The following PRKN variants were observed in gnomAD, a reference collection of about 807,000 sequenced individuals.
PRKN encodes E3 ubiquitin-protein ligase parkin.
Under a neutral mutation model 59.5 loss-of-function variants are expected in PRKN, and 56 were observed. The ratio of observed to expected loss-of-function variants is 0.94; its 90% CI spans 0.76 to 1.18. The LOEUF (loss-of-function observed/expected upper bound fraction) is 1.18, where lower values mean the gene tolerates loss of function less well. Among genes scored for constraint, PRKN ranks in the 50% most tolerant of loss-of-function variants. PRKN has a pLI of 0.00. For synonymous variants in PRKN, 250 were observed against 222.1 expected, an observed-to-expected ratio of 1.13 and a Z score of -1.12; for missense variants, 657 against 596.4, an observed-to-expected ratio of 1.10 and a Z score of -1.06.
rs766949960 is a variant in PRKN at position 161,352,755 on chromosome 6, G to GTGTGTGTGTGTATATA, written c.1286-2545_1286-2544insTATATACACACACACA. On this transcript the variant is annotated intron_variant, in intron 11 of 11. Transcript: ENST00000366898. The surrounding 1 kb of genome is among the most constrained non-coding windows in gnomAD (Gnocchi z 5.8). ...TGTGTGTGTGTGTGTGTGTGTGTGT[G>GTGTGTGTGTGTATATA]TATATATATATATATATTTTATTTT... 1.5e-5 allele frequency among the ~76,000 whole-genome samples: 2 copies of GTGTGTGTGTGTATATA among 134,378 alleles called. No individual in the cohort carries two copies. Among genetic ancestry groups the GTGTGTGTGTGTATATA allele is most frequent in the Non-Finnish European group, 1.6e-5 (1 of 62,900 alleles). The allele number at this position is 134,378 out of a possible 152,430, so 88.2% of individuals were successfully genotyped here.
rs572291347 is a variant in PRKN, at chr6:162,051,992, C to T, written c.618+2099G>A. Among the ~76,000 whole-genome samples, 9 of 152,274 alleles carry T rather than the reference C, an allele frequency of 5.9e-5. No individual in the cohort carries two copies. The South Asian group carries it at 1.9e-3, about 32-fold the overall frequency. Reference sequence around the variant, plus strand: ...TGGTATCCAAAGTGGGCAGAAGTTGCCCTAGAACAAATCCCCCAAAGATAC... The same window carrying T: ...TGGTATCCAAAGTGGGCAGAAGTTGTCCTAGAACAAATCCCCCAAAGATAC... On this transcript the variant is annotated intron_variant, in intron 5 of 11. Transcript: ENST00000366898.
At chr6:162,350,880 AC>A (rs764303070) in intron 2 of PRKN, among the ~76,000 whole-genome samples, 17 of 152,138 alleles carry the variant, frequency 1.1e-4, no homozygotes, top group Non-Finnish European at 2.4e-4. Flanking sequence ...TATAGAAAAG[AC>A]AAGTCACGAA....
At chr6:162,192,442 ATTTTTT>A (rs10534285) in intron 4 of PRKN, among the ~76,000 whole-genome samples, 11,208 of 75,434 alleles carry the variant, frequency 0.15, 893 homozygotes, top group Admixed American at 0.41. Flanking sequence ...AATTATAGGG[ATTTTTT>A]TTTTTTTTTT....
Position 161,458,097 on chromosome 6 carries a change from C to T in PRKN, c.1084-71220G>A, listed in dbSNP as rs752786990. On this transcript the variant is annotated intron_variant, in intron 9 of 11. Coordinates refer to ENST00000366898, the MANE Select transcript of PRKN (RefSeq NM_004562.3). The surrounding 1 kb of genome is among the most constrained non-coding windows in gnomAD (Gnocchi z 6.1). Reference sequence around the variant, plus strand: ...TATAAGAAGAAAAAGAGAAATACAGCTCTTTGTACATTCAGATTCCTTTAG... The same window carrying T: ...TATAAGAAGAAAAAGAGAAATACAGTTCTTTGTACATTCAGATTCCTTTAG... Among the ~76,000 whole-genome samples, 55 of 152,140 alleles carry T rather than the reference C, an allele frequency of 3.6e-4. No homozygotes were observed. Among genetic ancestry groups the T allele is most frequent in the Non-Finnish European group, 7.1e-4 (48 of 68,020 alleles).
At chr6:162,120,885 T>G (rs76908639) in intron 4 of PRKN, among the ~76,000 whole-genome samples, 22 of 152,348 alleles carry the variant, frequency 1.4e-4, no homozygotes, top group Non-Finnish European at 2.8e-4. Context: ...GTTTGGCCCA[T>G]GCACAAAGCA....
intron 5 of PRKN, among the ~76,000 whole-genome samples, chr6:162,034,186 T>TATAGAGAGAGAG (rs1349695864): frequency 1.3e-3 from 171 of 133,292 alleles, no homozygotes; most frequent in Middle Eastern, 3.9e-3. Flanking sequence ...TATATATATA[T>TATAGAGAGAGAG]AGAGAGAGAG....
At chr6:162,112,790 A>G (rs1780498180) in intron 4 of PRKN, among the ~76,000 whole-genome samples, 1 of 152,126 alleles carries the variant, frequency 6.6e-6, no homozygotes, top group Non-Finnish European at 1.5e-5. Context: ...ATTAAAAAAA[A>G]AAAAGCTGAG....
At chr6:162,403,591 C>G (rs191754319) in intron 2 of PRKN, among the ~76,000 whole-genome samples, 153 of 152,234 alleles carry the variant, frequency 1.0e-3, no homozygotes, top group Middle Eastern at 6.8e-3. Context: ...GAAGCTGTAA[C>G]CCCCACACCT....
intron 1 of PRKN, among the ~76,000 whole-genome samples, chr6:162,473,551 A>C (rs1477309320): frequency 1.3e-5 from 2 of 152,208 alleles, no homozygotes; most frequent in Non-Finnish European, 2.9e-5. Flanking sequence ...GGCCATGATA[A>C]AAAAGTAAAA....
At chr6:161,438,127 G>T (rs1789011693) in intron 9 of PRKN, among the ~76,000 whole-genome samples, 2 of 151,984 alleles carry the variant, frequency 1.3e-5, no homozygotes, top group East Asian at 3.9e-4. Flanking sequence ...CACTGAGGGA[G>T]CTGGTCTGTC....
At chr6:162,442,638 C>T (rs796515715) in intron 2 of PRKN, among the ~76,000 whole-genome samples, 8 of 152,202 alleles carry the variant, frequency 5.3e-5, no homozygotes, top group African/African-American at 1.7e-4. Flanking sequence ...CTGCTGGGGC[C>T]AGGAGAGAAG....
At chr6:161,422,623 C>T (rs1458200101) in intron 9 of PRKN, among the ~76,000 whole-genome samples, 1 of 151,890 alleles carries the variant, frequency 6.6e-6, no homozygotes, top group Admixed American at 6.6e-5. Flanking sequence ...TTTTTATTCC[C>T]CCTTTCTCTG....
intron 2 of PRKN, among the ~76,000 whole-genome samples, chr6:162,422,894 C>T (rs781276572): frequency 1.4e-5 from 2 of 142,144 alleles, no homozygotes; most frequent in South Asian, 2.2e-4. Flanking sequence ...TGCAGTGAGC[C>T]GAGATCGCGC....
At chr6:162,362,822 C>T (rs1785212846) in intron 2 of PRKN, among the ~76,000 whole-genome samples, 1 of 152,042 alleles carries the variant, frequency 6.6e-6, no homozygotes, top group African/African-American at 2.4e-5. Context: ...ATAAAAAACA[C>T]TATTCTATAA....
intron 2 of PRKN, among the ~76,000 whole-genome samples, chr6:162,424,839 G>C (rs1412187053): frequency 6.6e-6 from 1 of 152,122 alleles, no homozygotes; most frequent in Non-Finnish European, 1.5e-5. Context: ...ATGAGGTTGA[G>C]AATTTTCCAC....
chr6:161,748,541 C>T (rs1000514275), intron 7 of PRKN, among the ~76,000 whole-genome samples: 9 of 152,174 alleles, frequency 5.9e-5, no homozygotes, highest in African/African-American at 2.2e-4. Flanking sequence ...TCGCCTCCGA[C>T]AGCAGAATCA....
intron 5 of PRKN, among the ~76,000 whole-genome samples, chr6:161,982,115 T>C (rs1405509744): frequency 6.6e-6 from 1 of 152,244 alleles, no homozygotes; most frequent in East Asian, 1.9e-4. Flanking sequence ...CCTTGAAGTT[T>C]ATTCCAGGTG....
intron 7 of PRKN, among the ~76,000 whole-genome samples, chr6:161,612,738 A>AC: frequency 6.6e-6 from 1 of 151,866 alleles, no homozygotes; most frequent in Non-Finnish European, 1.5e-5. Context: ...AAAAAAAAAA[A>AC]AAAGAATTAT....
chr6:161,609,241 A>G (rs1363445966), intron 7 of PRKN, among the ~76,000 whole-genome samples: 3 of 152,224 alleles, frequency 2.0e-5, no homozygotes, highest in Non-Finnish European at 4.4e-5. Context: ...TTAATTTTTT[A>G]TACATGTACA....
Sources: gnomAD v4.1 joint callset for allele counts (sites outside exome capture counted in the v4.1 genomes callset) on GRCh38, gnomAD v4.1.1 for gene constraint, Gnocchi (gnomAD v3.1) non-coding constraint, MANE v1.5 for transcripts, NCBI Gene and HGNC (gene_info 2026-07-23, HGNC 2026-07-21) for gene names.